Variants in CEMIP observed in about 807,000 individuals in gnomAD.
CEMIP encodes the protein cell migration-inducing and hyaluronan-binding protein.
In CEMIP, 105 loss-of-function variants were observed where a neutral mutation model predicts 156.9. That is an observed-to-expected ratio of 0.67 (90% CI 0.57 to 0.79). CEMIP has a LOEUF of 0.79. Ranked by LOEUF, CEMIP falls within the 30% of genes least tolerant of loss-of-function variation. The pLI is 0.00. For missense variants in CEMIP, 1,457 were observed against 1,769.4 expected (o/e 0.82, Z 3.17); for synonymous variants, 676 against 668.4 (o/e 1.01, Z -0.17).
intron 22 of CEMIP, 95 bp from the exon 23 acceptor site, chr15:80,933,150 C>T (rs114605113): frequency 1.6e-5 from 17 of 1,094,554 alleles, no homozygotes; most frequent in African/African-American, 7.7e-5. Context: ...TGGCTTGTAA[C>T]GTCAGTGGAA....
At chr15:80,840,181 C>T (rs1897370266) in intron 1 of CEMIP, among the ~76,000 whole-genome samples, 1 of 152,134 alleles carries the variant, frequency 6.6e-6, no homozygotes, top group South Asian at 2.1e-4. Flanking sequence ...CCCGGGGGAT[C>T]AGTGTTCTCC....
intron 24 of CEMIP, among the ~76,000 whole-genome samples, chr15:80,937,399 A>G (rs1195794947): frequency 6.6e-6 from 1 of 152,240 alleles, no homozygotes; most frequent in Non-Finnish European, 1.5e-5. Flanking sequence ...GACATTTACC[A>G]GATGTGGGAA....
intron 29 of CEMIP, 47 bp from the exon 30 acceptor site, chr15:80,948,750 G>A (rs775631643): frequency 1.2e-5 from 20 of 1,613,052 alleles, no homozygotes; most frequent in Admixed American, 3.3e-5. Context: ...TGGGGCAGCC[G>A]TCCTCTCATA....
At chr15:80,927,036 G>GTGTTA in intron 19 of CEMIP, among the ~76,000 whole-genome samples, 1 of 152,154 alleles carries the variant, frequency 6.6e-6, no homozygotes, top group Admixed American at 6.5e-5. Flanking sequence ...TCACCACATT[G>GTGTTA]GCCAGGCTGG....
chr15:80,915,955 TTCTTTA>T (rs1900260039), intron 14 of CEMIP, among the ~76,000 whole-genome samples: 1 of 152,134 alleles, frequency 6.6e-6, no homozygotes, highest in Non-Finnish European at 1.5e-5. Flanking sequence ...AATTCCAGTC[TTCTTTA>T]TAACATGGCT....
intron 1 of CEMIP, among the ~76,000 whole-genome samples, chr15:80,808,472 A>G (rs1029569852): frequency 6.6e-6 from 1 of 152,212 alleles, no homozygotes; most frequent in Non-Finnish European, 1.5e-5. Flanking sequence ...CATAGAGCTG[A>G]CCTATGAGAT....
intron 1 of CEMIP, among the ~76,000 whole-genome samples, chr15:80,840,282 C>T (rs970777368): frequency 2.0e-5 from 3 of 152,050 alleles, no homozygotes; most frequent in South Asian, 2.1e-4. Flanking sequence ...CATCCACTCG[C>T]GTTCCACTCA....
chr15:80,910,512 G>A (rs1235479331), intron 14 of CEMIP, among the ~76,000 whole-genome samples: 3 of 152,240 alleles, frequency 2.0e-5, no homozygotes, highest in Admixed American at 6.5e-5. Flanking sequence ...TGACACTAGT[G>A]TGGTTCTATT....
rs1901790231 is a variant in CEMIP, at chr15:80,950,889, G to C, written c.*1965G>C. 1 of 152,768 alleles carries C rather than the reference G, an allele frequency of 6.5e-6. No individual in the cohort carries two copies. Among genetic ancestry groups the C allele is most frequent in the African/African-American group, 2.4e-5 (1 of 41,462 alleles). 9.5% of individuals were successfully genotyped at this position (152,768 alleles called of 1,614,324 possible). On this transcript the variant is annotated 3_prime_UTR_variant, in exon 30 of 30. Transcript: ENST00000394685. ...AACCACAAACTCTTTCCTTCAAAGA[G>C]GGCCTGCCTGGCTCCCTCCACCCAA...
In CEMIP at chr15:80,933,477, G is replaced by T; in HGVS notation, c.3009+17G>T. ...TATGCACAGGTGGGGACACCATTCTGGGGGCCGGCCACTCACTTATTCACT... is the reference window on the plus strand; with the variant it reads ...TATGCACAGGTGGGGACACCATTCTTGGGGCCGGCCACTCACTTATTCACT... On this transcript the variant is annotated intron_variant, in intron 23 of 29. Coordinates refer to ENST00000394685, the MANE Select transcript of CEMIP (RefSeq NM_001293298.2). The T allele has an allele frequency of 6.2e-7, 1 of 1,601,334 alleles. No homozygotes were observed. Among genetic ancestry groups the T allele is most frequent in the Non-Finnish European group, 8.6e-7 (1 of 1,168,714 alleles).
intron 1 of CEMIP, among the ~76,000 whole-genome samples, chr15:80,870,391 C>T (rs1898249084): frequency 6.6e-6 from 1 of 152,136 alleles, no homozygotes; most frequent in Non-Finnish European, 1.5e-5. Context: ...TAGAACAGAT[C>T]CTAGCTTCTG....
chr15:80,866,435 C>T (rs1477360915), intron 1 of CEMIP, among the ~76,000 whole-genome samples: 1 of 151,712 alleles, frequency 6.6e-6, no homozygotes, highest in Non-Finnish European at 1.5e-5. Flanking sequence ...ACTGAAAATA[C>T]AAAAAAATTA....
At chr15:80,807,861 T>C (rs1896553642) in intron 1 of CEMIP, among the ~76,000 whole-genome samples, 1 of 152,238 alleles carries the variant, frequency 6.6e-6, no homozygotes, top group Non-Finnish European at 1.5e-5. Context: ...GATTGTGTCC[T>C]GGTGTTCGTA....
At chr15:80,824,763 T>C (rs1314027985) in intron 1 of CEMIP, among the ~76,000 whole-genome samples, 1 of 152,224 alleles carries the variant, frequency 6.6e-6, no homozygotes, top group Non-Finnish European at 1.5e-5. Context: ...GAAAGGCTCA[T>C]TGTCTCTTGT....
At chr15:80,871,502 G>T (rs1486858722) in intron 1 of CEMIP, among the ~76,000 whole-genome samples, 1 of 152,160 alleles carries the variant, frequency 6.6e-6, no homozygotes, top group Non-Finnish European at 1.5e-5. Flanking sequence ...TCCCCACTCG[G>T]TACCTGGGAA....
intron 1 of CEMIP, among the ~76,000 whole-genome samples, chr15:80,810,826 AT>A (rs1896654409): frequency 6.6e-6 from 1 of 151,770 alleles, no homozygotes; most frequent in Admixed American, 6.6e-5. Flanking sequence ...CCATCCATCC[AT>A]CCATCCATCC....
In CEMIP at chr15:80,817,181, G is replaced by T. The variant is rs186054733; in HGVS notation, c.-176+37567G>T. On this transcript the variant is annotated intron_variant, in intron 1 of 29. Coordinates refer to ENST00000394685, the MANE Select transcript of CEMIP (RefSeq NM_001293298.2). ...CAGCGTGGAGCTGGGGATGCGGAAG[G>T]CTGTGGGACAGGCTGCCCTGGAACA... Among the ~76,000 whole-genome samples the T allele has an allele frequency of 2.6e-3, 393 of 152,274 alleles. 1 individual carries two copies. Among genetic ancestry groups the T allele is most frequent in the Admixed American group, 7.8e-3 (119 of 15,294 alleles).
In CEMIP at chr15:80,933,244, G is replaced by C; in HGVS notation, c.2794-1G>C. ...GCCTAACTTTCCTGGGCTCTGTTTAGATTACTTCCAGAGTGTTCTTCGGAG... is the reference window on the plus strand; with the variant it reads ...GCCTAACTTTCCTGGGCTCTGTTTACATTACTTCCAGAGTGTTCTTCGGAG... On this transcript the variant is annotated splice_acceptor_variant, in intron 22 of 29. Transcript: ENST00000394685. LOFTEE classifies it high-confidence loss of function. The C allele has an allele frequency of 6.2e-7, 1 of 1,613,632 alleles. No individual in the cohort carries two copies. The highest frequency in any genetic ancestry group is 2.2e-5 in the East Asian group (1 of 44,884).
At chr15:80,907,777 G>A (rs907421425) in intron 13 of CEMIP, among the ~76,000 whole-genome samples, 3 of 152,164 alleles carry the variant, frequency 2.0e-5, no homozygotes, top group African/African-American at 7.2e-5. Flanking sequence ...GCCTTTTCCA[G>A]GCATATTATA....
Sources: allele counts gnomAD v4.1 joint callset (sites outside exome capture counted in the v4.1 genomes callset), GRCh38; gene constraint gnomAD v4.1.1; transcripts MANE v1.5; gene names NCBI Gene and HGNC (gene_info 2026-07-23, HGNC 2026-07-21).